Variants in AGBL1 observed in about 807,000 individuals in gnomAD.
AGBL1 encodes AGBL carboxypeptidase 1, also known as cytosolic carboxypeptidase 4.
A neutral mutation model predicts 118.9 loss-of-function variants in AGBL1; 130 were observed. The ratio of observed to expected loss-of-function variants is 1.09; its 90% confidence interval spans 0.95 to 1.26. AGBL1 has a LOEUF of 1.26. Ranked by LOEUF, AGBL1 falls within the 50% of genes most tolerant of loss-of-function variation. AGBL1 has a pLI of 0.00. For synonymous variants in AGBL1, 555 were observed against 478.9 expected (o/e 1.16, Z -2.08); for missense variants, 1,584 against 1,298.1 (o/e 1.22, Z -3.38).
At chr15:86,200,163 A>T (rs938250766) in intron 5 of AGBL1, among the ~76,000 whole-genome samples, 2 of 152,214 alleles carry the variant, frequency 1.3e-5, no homozygotes, top group African/African-American at 4.8e-5. Context: ...TTAATTTTTT[A>T]AAATTATGAC....
intron 22 of AGBL1, among the ~76,000 whole-genome samples, chr15:86,755,282 A>C (rs1596451943): frequency 6.6e-6 from 1 of 152,278 alleles, no homozygotes; most frequent in Non-Finnish European, 1.5e-5. Context: ...AAAACACTCT[A>C]CAGTATAGAA....
intron 5 of AGBL1, among the ~76,000 whole-genome samples, chr15:86,190,205 A>G (rs1352846490): frequency 2.6e-5 from 4 of 152,208 alleles, no homozygotes; most frequent in Non-Finnish European, 5.9e-5. Context: ...ATGAATATAT[A>G]GCATCTCTTT....
intron 19 of AGBL1, among the ~76,000 whole-genome samples, chr15:86,526,228 G>T (rs916703345): frequency 2.6e-5 from 4 of 152,004 alleles, no homozygotes; most frequent in African/African-American, 7.2e-5. Flanking sequence ...TGTAGGCATG[G>T]ATGCAGTCAA....
chr15:86,213,776 T>A (rs1567131028), intron 5 of AGBL1, among the ~76,000 whole-genome samples: 1 of 152,170 alleles, frequency 6.6e-6, no homozygotes, highest in Non-Finnish European at 1.5e-5. Flanking sequence ...TAACCTAAAA[T>A]TTGCCGTTTA....
chr15:86,214,741 A>C (rs148404314), intron 5 of AGBL1, among the ~76,000 whole-genome samples: 26 of 152,094 alleles, frequency 1.7e-4, no homozygotes, highest in African/African-American at 5.3e-4. Flanking sequence ...CTTCAAAACC[A>C]TTTCTCCTTT....
intron 22 of AGBL1, among the ~76,000 whole-genome samples, chr15:86,897,434 A>C (rs977812571): frequency 1.3e-5 from 2 of 151,934 alleles, no homozygotes; most frequent in Non-Finnish European, 2.9e-5. Flanking sequence ...TAAACTATAT[A>C]TTTTCCCATT....
chr15:86,092,170 A>G (rs1316008038), intron 1 of AGBL1, among the ~76,000 whole-genome samples: 1 of 152,180 alleles, frequency 6.6e-6, no homozygotes, highest in Non-Finnish European at 1.5e-5. Flanking sequence ...GAAAGTCTCC[A>G]GAAAATTAAA....
intron 21 of AGBL1, among the ~76,000 whole-genome samples, chr15:86,642,385 C>T (rs2085207030): frequency 6.6e-6 from 1 of 151,978 alleles, no homozygotes; most frequent in African/African-American, 2.4e-5. Context: ...TATGGCTTTA[C>T]AATTAAGTGT....
intron 24 of AGBL1, among the ~76,000 whole-genome samples, chr15:86,996,155 C>G (rs1452926185): frequency 2.0e-5 from 3 of 152,108 alleles, no homozygotes; most frequent in Non-Finnish European, 4.4e-5. Context: ...CTCATTTGTT[C>G]ATATACCCAA....
At chr15:86,845,020 A>C (rs556563923) in intron 22 of AGBL1, among the ~76,000 whole-genome samples, 50 of 152,282 alleles carry the variant, frequency 3.3e-4, no homozygotes, top group African/African-American at 1.1e-3. Flanking sequence ...AATTTATTCT[A>C]ATCTTTGATT....
intron 17 of AGBL1, among the ~76,000 whole-genome samples, chr15:86,350,364 A>AAGCTGATG (rs2080606196): frequency 6.6e-6 from 1 of 152,210 alleles, no homozygotes; most frequent in Admixed American, 6.5e-5. Context: ...GTTGCTTTTC[A>AAGCTGATG]AGCTGATGTG....
At chr15:86,327,276 A>G (rs1251066372) in intron 17 of AGBL1, among the ~76,000 whole-genome samples, 1 of 152,182 alleles carries the variant, frequency 6.6e-6, no homozygotes, top group Non-Finnish European at 1.5e-5. Flanking sequence ...AGGGTCATAA[A>G]TTCTTTGTTT....
intron 23 of AGBL1, among the ~76,000 whole-genome samples, chr15:86,925,405 A>T (rs1404729882): frequency 6.6e-6 from 1 of 152,144 alleles, no homozygotes; most frequent in Non-Finnish European, 1.5e-5. Context: ...CATGGTGTGT[A>T]ATTATAGGGC....
At chr15:86,499,678 G>A (rs1042935244) in intron 18 of AGBL1, among the ~76,000 whole-genome samples, 1 of 151,790 alleles carries the variant, frequency 6.6e-6, no homozygotes, top group Non-Finnish European at 1.5e-5. Context: ...CATAGAATGA[G>A]GTTTTAAGCA....
rs1424692510 is a variant in AGBL1, at chr15:86,907,725, A to T, written c.*431A>T. On this transcript the variant is annotated 3_prime_UTR_variant, in exon 23 of 23. Coordinates refer to ENST00000614907, the MANE Select transcript of AGBL1 (RefSeq NM_001386094.1). ...GTTCCATATACAAGTGTTATCTTCC[A>T]ATGTTATCTCCCCACCATAGCATTT... 6.6e-6 allele frequency: 1 copy of T among 152,176 alleles called. No homozygotes were observed. The highest frequency in any genetic ancestry group is 1.5e-5 in the Non-Finnish European group (1 of 68,036). The allele number at this position is 152,176 out of a possible 1,614,324, so 9.4% of individuals were successfully genotyped here. A position where few individuals can be genotyped will look rare whatever the true frequency, so the allele number is the denominator to read the frequency against.
At chr15:86,824,941 C>T (rs531431961) in intron 22 of AGBL1, among the ~76,000 whole-genome samples, 91 of 152,124 alleles carry the variant, frequency 6.0e-4, no homozygotes, top group African/African-American at 2.2e-3. Flanking sequence ...CCTGTAATCC[C>T]AGCTACTTGG....
intron 24 of AGBL1, chr15:87,028,684 G>A: frequency 1.4e-6 from 1 of 693,734 alleles, no homozygotes; most frequent in Non-Finnish European, 2.4e-6. Flanking sequence ...TAATCTAAAT[G>A]TAAGTATGAT....
intron 1 of AGBL1, among the ~76,000 whole-genome samples, chr15:86,100,815 T>G: frequency 6.6e-6 from 1 of 152,108 alleles, no homozygotes; most frequent in East Asian, 1.9e-4. Context: ...TTTCAAAAAA[T>G]GAAATTTTCA....
chr15:86,611,812 A>G (rs2084659799), intron 21 of AGBL1, among the ~76,000 whole-genome samples: 1 of 152,194 alleles, frequency 6.6e-6, no homozygotes, highest in African/African-American at 2.4e-5. Context: ...GCTACATGAA[A>G]AAACCTCAGA....
Sources: allele counts gnomAD v4.1 joint callset (sites outside exome capture counted in the v4.1 genomes callset), GRCh38; gene constraint gnomAD v4.1.1; transcripts MANE v1.5; gene names NCBI Gene and HGNC (gene_info 2026-07-23, HGNC 2026-07-21).